Variants in AGK observed in about 807,000 individuals in gnomAD.
The protein encoded by AGK is acylglycerol kinase.
In AGK, 52 loss-of-function variants were observed where a neutral mutation model predicts 66.4. The observed-to-expected ratio is 0.78, with a 90% confidence interval of 0.63 to 0.99. The LOEUF is 0.99. AGK is among the 50% of genes least tolerant of loss of function. The pLI is 0.00. For missense variants in AGK, 451 were observed against 506.6 expected, an observed-to-expected ratio of 0.89 and a Z score of 1.05; for synonymous variants, 182 against 181.1, an observed-to-expected ratio of 1.00 and a Z score of -0.04.
In AGK at chr7:141,555,664, T is replaced by A; in HGVS notation, c.101+97T>A. The A allele has an allele frequency of 1.2e-6, 1 of 828,516 alleles. No homozygotes were observed. The allele number at this position is 828,516 out of a possible 1,614,324, so 51.3% of individuals were successfully genotyped here. On this transcript the variant is annotated intron_variant, in intron 2 of 15. Coordinates refer to ENST00000649286, the MANE Select transcript of AGK (RefSeq NM_018238.4). This position sits in a 1 kb window ranked among gnomAD's most constrained non-coding sequence, Gnocchi z 4.2. Reference sequence around the variant, plus strand: ...TCTTGCTCAGCTGTGCTTATCCCTATAAAACATGTGGTGTAAAAGAAAAAT... The same window carrying A: ...TCTTGCTCAGCTGTGCTTATCCCTAAAAAACATGTGGTGTAAAAGAAAAAT...
chr7:141,554,426 T>A (rs1252055797), intron 1 of AGK, among the ~76,000 whole-genome samples: 1 of 152,220 alleles, frequency 6.6e-6, no homozygotes, highest in Non-Finnish European at 1.5e-5. Context: ...ATTGGTATAA[T>A]GCCAATTATA....
intron 2 of AGK, among the ~76,000 whole-genome samples, chr7:141,585,003 T>A (rs1000038583): frequency 2.0e-5 from 3 of 152,178 alleles, no homozygotes; most frequent in African/African-American, 7.2e-5. Flanking sequence ...AGGTAGTGCA[T>A]GATGGTGTGG....
At chr7:141,635,522 T>G (rs1276500872) in intron 10 of AGK, among the ~76,000 whole-genome samples, 1 of 152,174 alleles carries the variant, frequency 6.6e-6, no homozygotes, top group Non-Finnish European at 1.5e-5. Flanking sequence ...TAGCACAGTA[T>G]CAACCTGAAT....
rs1316019564 is a variant in AGK at position 141,611,314 on chromosome 7, A to G, written c.390+27A>G. On this transcript the variant is annotated intron_variant, in intron 6 of 15. Coordinates refer to ENST00000649286, the MANE Select transcript of AGK (RefSeq NM_018238.4). ...TATGACTGTTTTTCTCTTTGAAGCTATTTTGAAGGTGAGAAAAATGGAAAT... is the reference window on the plus strand; with the variant it reads ...TATGACTGTTTTTCTCTTTGAAGCTGTTTTGAAGGTGAGAAAAATGGAAAT... 3 of 1,534,416 alleles carry G rather than the reference A, an allele frequency of 2.0e-6. No homozygotes were observed. The African/African-American group carries it at 4.1e-5, about 21-fold the overall frequency.
rs1254993537 is a variant in AGK at position 141,653,952 on chromosome 7, A to G, written c.*1028A>G. The G allele has an allele frequency of 6.6e-6, 1 of 152,230 alleles. No homozygotes were observed. 9.4% of individuals were successfully genotyped at this position (152,230 alleles called of 1,614,324 possible). A position where few individuals can be genotyped will look rare whatever the true frequency, so the allele number is the denominator to read the frequency against. On this transcript the variant is annotated 3_prime_UTR_variant, in exon 16 of 16. Transcript: ENST00000649286. ...ATATCACAACAATTTGACACCCTTCATTCATTTATAAAAATAAATGAGCTA... is the reference window on the plus strand; with the variant it reads ...ATATCACAACAATTTGACACCCTTCGTTCATTTATAAAAATAAATGAGCTA...
chr7:141,589,034 T>C (rs942680492), intron 2 of AGK, among the ~76,000 whole-genome samples: 1 of 152,126 alleles, frequency 6.6e-6, no homozygotes, highest in African/African-American at 2.4e-5. Context: ...GCCGCCCTCC[T>C]ATCTCATCCT....
Position 141,636,966 on chromosome 7 carries a change from G to T in AGK, c.675G>T (p.Trp225Cys), listed in dbSNP as rs1258723710. The change falls in exon 11 of 16, where the codon TGG (tryptophan) becomes TGT (cysteine). Residue 225 changes from tryptophan to cysteine, a missense_variant. Physicochemically the swap from Trp to Cys is radical, Grantham distance 215. Transcript: ENST00000649286. ...RDAGVKVSKY[W>C]YLGPLKIKAA... is the part of the protein sequence containing the mutation. ...TATCTTGGTCTTTTCACAGGTACTG[G>T]TATCTTGGGCCTCTAAAAATCAAAG... 1 of 1,611,994 alleles carries T rather than the reference G, an allele frequency of 6.2e-7. No individual in the cohort carries two copies. The highest frequency in any genetic ancestry group is 8.5e-7 in the Non-Finnish European group (1 of 1,178,838).
intron 11 of AGK, among the ~76,000 whole-genome samples, chr7:141,641,046 C>G (rs774798688): frequency 3.3e-5 from 5 of 152,146 alleles, no homozygotes; most frequent in Admixed American, 1.3e-4. Flanking sequence ...TTGCTGAATT[C>G]ATGGTTTTTA....
chr7:141,585,491 T>A (rs1795977623), intron 2 of AGK, among the ~76,000 whole-genome samples: 1 of 152,172 alleles, frequency 6.6e-6, no homozygotes, highest in African/African-American at 2.4e-5. Context: ...GTTATAAACG[T>A]CTAAACTTGA....
chr7:141,642,949 G>A (rs757464501), intron 13 of AGK, among the ~76,000 whole-genome samples: 1 of 152,170 alleles, frequency 6.6e-6, no homozygotes, highest in Non-Finnish European at 1.5e-5. Context: ...TTATATCAAT[G>A]AGAATGCCAA....
At chr7:141,573,402 CTT>C (rs1281651403) in intron 2 of AGK, among the ~76,000 whole-genome samples, 3 of 151,960 alleles carry the variant, frequency 2.0e-5, no homozygotes, top group Non-Finnish European at 2.9e-5. Context: ...TCCCCTCTCT[CTT>C]GGGAGTGGTG....
rs116303545 is a variant in AGK, at chr7:141,585,173, C to T, written c.102-7973C>T. Among the ~76,000 whole-genome samples, 688 of 152,236 alleles carry T rather than the reference C, an allele frequency of 4.5e-3. 7 individuals are homozygous for T. The highest frequency in any genetic ancestry group is 0.016 in the African/African-American group (652 of 41,532). On this transcript the variant is annotated intron_variant, in intron 2 of 15. Coordinates refer to ENST00000649286, the MANE Select transcript of AGK (RefSeq NM_018238.4). ...CTATCCAAATGGAGATTCTGTCGGC[C>T]GAAAAGATCAAGCATTCTTCCTTAG... is the stretch of plus-strand genomic sequence containing the variant.
At chr7:141,588,582 C>T (rs1023275926) in intron 2 of AGK, among the ~76,000 whole-genome samples, 2 of 151,488 alleles carry the variant, frequency 1.3e-5, no homozygotes, top group Non-Finnish European at 2.9e-5. Context: ...CGCCACTGCA[C>T]TCCAGCCTGG....
chr7:141,618,048 A>G (rs1177718382), intron 8 of AGK, among the ~76,000 whole-genome samples: 1 of 152,202 alleles, frequency 6.6e-6, no homozygotes, highest in East Asian at 1.9e-4. Context: ...TTTCAGCTAG[A>G]GTTTAATCCA....
At chr7:141,607,731 A>G (rs901468863) in intron 5 of AGK, among the ~76,000 whole-genome samples, 3 of 151,730 alleles carry the variant, frequency 2.0e-5, no homozygotes, top group African/African-American at 7.3e-5. Flanking sequence ...GATCACTTAA[A>G]TTCCCTCCTG....
intron 12 of AGK, 134 bp from the exon 13 acceptor site, chr7:141,641,677 T>C: frequency 2.6e-6 from 2 of 774,292 alleles, no homozygotes; most frequent in South Asian, 3.4e-5. Flanking sequence ...ATAAGAAGCA[T>C]GAAATAAATA....
chr7:141,557,653 G>A (rs1289882590), intron 2 of AGK, among the ~76,000 whole-genome samples: 1 of 152,214 alleles, frequency 6.6e-6, no homozygotes, highest in Non-Finnish European at 1.5e-5. Context: ...TGGAGGCCTT[G>A]TTCTAAATTG....
chr7:141,556,106 C>T (rs1322193862), intron 2 of AGK, among the ~76,000 whole-genome samples: 1 of 152,042 alleles, frequency 6.6e-6, no homozygotes, highest in Non-Finnish European at 1.5e-5. Context: ...GAAACAAAGG[C>T]AAGACAACTG....
At chr7:141,568,968 C>G (rs1422679484) in intron 2 of AGK, among the ~76,000 whole-genome samples, 3 of 152,146 alleles carry the variant, frequency 2.0e-5, no homozygotes, top group African/African-American at 4.8e-5. Context: ...ACCATAAATT[C>G]CTTGACATTA....
Sources: allele counts gnomAD v4.1 joint callset (sites outside exome capture counted in the v4.1 genomes callset), GRCh38; gene constraint gnomAD v4.1.1; non-coding constraint Gnocchi (gnomAD v3.1); transcripts MANE v1.5; gene names NCBI Gene and HGNC (gene_info 2026-07-23, HGNC 2026-07-21).